ZNF236: variants seen among roughly 807,000 people sequenced by gnomAD.
The protein encoded by ZNF236 is regulated by glucose.
Under a neutral mutation model 191.2 loss-of-function variants are expected in ZNF236, and 50 were observed. The ratio of observed to expected loss-of-function variants is 0.26; its 90% CI spans 0.21 to 0.33. The LOEUF (loss-of-function observed/expected upper bound fraction) is 0.33. ZNF236 is among the 10% of genes least tolerant of loss of function. The pLI is 1.00. For missense variants in ZNF236, 1,754 were observed against 2,374.5 expected (o/e 0.74, Z 5.43); for synonymous variants, 907 against 928.8 (o/e 0.98, Z 0.43).
rs1297269826 is a variant in ZNF236, at chr18:76,915,586, T to C, written c.3062-61T>C. On this transcript the variant is annotated intron_variant, in intron 18 of 30. Coordinates refer to ENST00000320610, the MANE Select transcript of ZNF236 (RefSeq NM_001306089.2). ...ATCTTTGTTTGGTTTTGACTGCTTC[T>C]GGTTTTAAGGTAGTGAAATAGGATT... 8 of 1,511,408 alleles carry C rather than the reference T, an allele frequency of 5.3e-6. No homozygotes were observed. In the Admixed American group the frequency reaches 1.0e-4, roughly 19 times the overall value. 93.6% of individuals were successfully genotyped at this position (1,511,408 alleles called of 1,614,324 possible).
At chr18:76,845,413 A>G (rs946140806) in intron 1 of ZNF236, among the ~76,000 whole-genome samples, 1 of 152,184 alleles carries the variant, frequency 6.6e-6, no homozygotes, top group African/African-American at 2.4e-5. Context: ...TAGATTTGAT[A>G]ACAGTTAAAC....
intron 1 of ZNF236, among the ~76,000 whole-genome samples, chr18:76,838,375 A>C (rs1221472760): frequency 1.3e-5 from 2 of 152,226 alleles, no homozygotes. Flanking sequence ...TAAACCTTTA[A>C]TGCCTTTATC....
intron 28 of ZNF236, among the ~76,000 whole-genome samples, chr18:76,958,514 T>C (rs1031624557): frequency 1.3e-5 from 2 of 152,202 alleles, no homozygotes; most frequent in African/African-American, 4.8e-5. Flanking sequence ...TCCTTTCAGC[T>C]TAGCAAACAG....
At chr18:76,947,986 C>T (rs955370335) in intron 27 of ZNF236, among the ~76,000 whole-genome samples, 1 of 152,096 alleles carries the variant, frequency 6.6e-6, no homozygotes, top group Non-Finnish European at 1.5e-5. Flanking sequence ...TTCACATATC[C>T]AGCCACTTGC....
At chr18:76,826,682 G>A (rs115326571) in intron 1 of ZNF236, among the ~76,000 whole-genome samples, 4,009 of 150,284 alleles carry the variant, frequency 0.027, 172 homozygotes, top group African/African-American at 0.092. Context: ...GCCTGTAGTC[G>A]CAGCTACTTG....
Position 76,843,229 on chromosome 18 carries a change from G to A in ZNF236, c.56-6297G>A, listed in dbSNP as rs149921239. Among the ~76,000 whole-genome samples, 22 of 152,134 alleles carry A rather than the reference G, an allele frequency of 1.4e-4. No homozygotes were observed. The East Asian group carries it at 4.3e-3, about 29-fold the overall frequency. On this transcript the variant is annotated intron_variant, in intron 1 of 30. Coordinates refer to ENST00000320610, the MANE Select transcript of ZNF236 (RefSeq NM_001306089.2). ...CGGTGAGGCTGAAATGTGGGAATCAGATAAACTGGTTTTGGGAGCTTCAGA... is the reference window on the plus strand; with the variant it reads ...CGGTGAGGCTGAAATGTGGGAATCAAATAAACTGGTTTTGGGAGCTTCAGA...
chr18:76,952,824 A>G (rs1415096413), intron 27 of ZNF236, among the ~76,000 whole-genome samples: 1 of 152,196 alleles, frequency 6.6e-6, no homozygotes, highest in Non-Finnish European at 1.5e-5. Flanking sequence ...CAAAAAAACA[A>G]AACAAAACCC....
chr18:76,901,064 A>G (rs1465218527), intron 11 of ZNF236, among the ~76,000 whole-genome samples: 1 of 152,188 alleles, frequency 6.6e-6, no homozygotes, highest in Non-Finnish European at 1.5e-5. Context: ...AAGCTTACTC[A>G]CCTGCTATTC....
At chr18:76,955,731 G>C (rs1968507229) in intron 27 of ZNF236, among the ~76,000 whole-genome samples, 1 of 152,126 alleles carries the variant, frequency 6.6e-6, no homozygotes, top group Admixed American at 6.5e-5. Flanking sequence ...ATTTGCACCT[G>C]GTCAGTGCGG....
chr18:76,871,686 C>A lies in ZNF236; in HGVS notation c.543-15C>A, dbSNP rs533117883. Reference sequence around the variant, plus strand: ...GACATCTTACTGTGTATTTTGCCCCCCTTTATTACACTAGGGTATCAAGTA... The same window carrying A: ...GACATCTTACTGTGTATTTTGCCCCACTTTATTACACTAGGGTATCAAGTA... On this transcript the variant is annotated splice_polypyrimidine_tract_variant and intron_variant, in intron 4 of 30. Coordinates refer to ENST00000320610, the MANE Select transcript of ZNF236 (RefSeq NM_001306089.2). The A allele has an allele frequency of 6.2e-7, 1 of 1,613,800 alleles. No individual in the cohort carries two copies. Among genetic ancestry groups the A allele is most frequent in the Non-Finnish European group, 8.5e-7 (1 of 1,179,834 alleles).
chr18:76,847,948 G>C (rs1397700595), intron 1 of ZNF236, among the ~76,000 whole-genome samples: 1 of 152,198 alleles, frequency 6.6e-6, no homozygotes, highest in East Asian at 1.9e-4. Flanking sequence ...GTATGAAGTT[G>C]CAGTCTTTTG....
intron 20 of ZNF236, among the ~76,000 whole-genome samples, chr18:76,921,622 T>G (rs1252359621): frequency 6.6e-6 from 1 of 152,026 alleles, no homozygotes; most frequent in Non-Finnish European, 1.5e-5. Context: ...GTTTGTGACC[T>G]GCCTGTGGGT....
intron 30 of ZNF236, among the ~76,000 whole-genome samples, chr18:76,961,429 G>A (rs566516975): frequency 5.3e-5 from 8 of 151,102 alleles, no homozygotes; most frequent in African/African-American, 1.9e-4. Flanking sequence ...AAATACCACA[G>A]TTTCTTTATC....
At chr18:76,891,821 A>G (rs1291894925) in intron 9 of ZNF236, among the ~76,000 whole-genome samples, 1 of 151,952 alleles carries the variant, frequency 6.6e-6, no homozygotes, top group Non-Finnish European at 1.5e-5. Flanking sequence ...CCAAATCGAT[A>G]TATGTCTTTT....
In ZNF236 at chr18:76,880,020, A is replaced by AAGG. The variant is rs1005144174; in HGVS notation, c.985-89_985-87dup. On this transcript the variant is annotated intron_variant, in intron 7 of 30. Coordinates refer to ENST00000320610, the MANE Select transcript of ZNF236 (RefSeq NM_001306089.2). The surrounding 1 kb of genome is among the most constrained non-coding windows in gnomAD (Gnocchi z 5.0). ...GATACTCTTAGATTTTAACACCCTT[A>AAGG]AGGAGGGTATTGCCTGTTTTTTTTT... The AAGG allele has an allele frequency of 1.6e-5, 18 of 1,120,776 alleles. No individual in the cohort carries two copies. The Admixed American group carries it at 4.7e-4, about 29-fold the overall frequency. 69.4% of individuals were successfully genotyped at this position (1,120,776 alleles called of 1,614,324 possible). A position where few individuals can be genotyped will look rare whatever the true frequency, so the allele number is the denominator to read the frequency against.
intron 21 of ZNF236, among the ~76,000 whole-genome samples, chr18:76,924,053 G>A (rs1165137707): frequency 6.6e-6 from 1 of 152,240 alleles, no homozygotes. Context: ...TTTACCTGAA[G>A]CCCTGTGATT....
At chr18:76,956,489 G>C (rs1233274235) in intron 28 of ZNF236, among the ~76,000 whole-genome samples, 1 of 151,696 alleles carries the variant, frequency 6.6e-6, no homozygotes, top group African/African-American at 2.4e-5. Context: ...TGTTGTTGAG[G>C]CTGTGGGGAA....
chr18:76,958,344 C>T (rs978556539), intron 28 of ZNF236, among the ~76,000 whole-genome samples: 3 of 152,268 alleles, frequency 2.0e-5, no homozygotes, highest in East Asian at 3.9e-4. Context: ...GAGTGCAGCT[C>T]GTCGGTATTT....
At chr18:76,949,478 C>A (rs1208122813) in intron 27 of ZNF236, among the ~76,000 whole-genome samples, 1 of 151,782 alleles carries the variant, frequency 6.6e-6, no homozygotes, top group Non-Finnish European at 1.5e-5. Context: ...AGGTAGATAA[C>A]CAATCTGTAT....
Sources: allele counts gnomAD v4.1 joint callset (sites outside exome capture counted in the v4.1 genomes callset), GRCh38; gene constraint gnomAD v4.1.1; non-coding constraint Gnocchi (gnomAD v3.1); transcripts MANE v1.5; gene names NCBI Gene and HGNC (gene_info 2026-07-23, HGNC 2026-07-21).